The following MTR variants were observed in gnomAD, a reference collection of about 807,000 sequenced individuals.
The protein encoded by MTR is 5-methyltetrahydrofolate-homocysteine methyltransferase.
A neutral mutation model predicts 154.8 loss-of-function variants in MTR; 84 were observed. The observed-to-expected ratio is 0.54, with a 90% CI of 0.45 to 0.65. The LOEUF (loss-of-function observed/expected upper bound fraction) is 0.65, where lower values mean the gene tolerates loss of function less well. MTR is among the 30% of genes least tolerant of loss of function. The probability of loss-of-function intolerance (pLI) is 0.00; values close to 1 mark genes in which losing one functional copy is unlikely to be tolerated. For synonymous variants in MTR, 554 were observed against 553.9 expected, an observed-to-expected ratio of 1.00 and a Z score of 0.00; for missense variants, 1,275 against 1,570.2, an observed-to-expected ratio of 0.81 and a Z score of 3.18.
chr1:236,812,789 A>G lies in MTR; in HGVS notation c.554A>G (p.Asp185Gly). The change falls in exon 6 of 33, where the codon GAT (aspartate) becomes GGT (glycine). Residue 185 changes from aspartate (D) to glycine (G), a missense_variant. Physicochemically the swap from Asp to Gly is moderately conservative, Grantham distance 94 (BLOSUM62 -1). Transcript: ENST00000366577. ...AYQEQAKGLL[D>G]GGVDILLIET... ...CAAGAGCAGGCCAAAGGACTTCTGGATGGCGGGGTTGATATCTTACTCATT... is the reference window on the plus strand; with the variant it reads ...CAAGAGCAGGCCAAAGGACTTCTGGGTGGCGGGGTTGATATCTTACTCATT... 3 of 1,614,142 alleles carry G rather than the reference A, an allele frequency of 1.9e-6. No individual in the cohort carries two copies. Among genetic ancestry groups the G allele is most frequent in the Non-Finnish European group, 2.5e-6 (3 of 1,180,000 alleles).
chr1:236,881,562 C>T (rs1390261003), intron 25 of MTR, among the ~76,000 whole-genome samples: 2 of 151,928 alleles, frequency 1.3e-5, no homozygotes, highest in East Asian at 3.9e-4. Flanking sequence ...TCCTAGTGTC[C>T]ATCAAAAGAG....
chr1:236,852,423 G>GTTTTT, intron 16 of MTR, 98 bp from the exon 17 acceptor site: 19 of 875,584 alleles, frequency 2.2e-5, no homozygotes, highest in Admixed American at 1.1e-4. Context: ...GATGCTTTTT[G>GTTTTT]TTTTTTTTTC....
chr1:236,845,739 C>T (rs927263891), intron 15 of MTR, among the ~76,000 whole-genome samples: 7 of 152,136 alleles, frequency 4.6e-5, no homozygotes, highest in Non-Finnish European at 7.4e-5. Flanking sequence ...TGCTCACTGT[C>T]AAATTGTCAT....
chr1:236,863,591 A>G, intron 22 of MTR, 37 bp downstream of exon 22: 1 of 1,565,582 alleles, frequency 6.4e-7, no homozygotes, highest in South Asian at 1.1e-5. Flanking sequence ...CCCCTTTTCC[A>G]TTTAAAAATG....
chr1:236,875,347 C>A (rs1239354209), intron 24 of MTR, among the ~76,000 whole-genome samples: 3 of 152,070 alleles, frequency 2.0e-5, no homozygotes, highest in Non-Finnish European at 4.4e-5. Context: ...TTGGGGAGTT[C>A]CTGAAAGGGG....
At chr1:236,845,105 G>A (rs1422970870) in intron 15 of MTR, among the ~76,000 whole-genome samples, 1 of 152,204 alleles carries the variant, frequency 6.6e-6, no homozygotes, top group Non-Finnish European at 1.5e-5. Context: ...GTGGACCAGT[G>A]TCATATCTAG....
At chr1:236,839,352 G>A (rs1663097013) in intron 15 of MTR, among the ~76,000 whole-genome samples, 1 of 150,662 alleles carries the variant, frequency 6.6e-6, no homozygotes. Context: ...AGTCAACCCA[G>A]TAGGAAAATG....
Position 236,886,323 on chromosome 1 carries a change from G to A in MTR, c.2807G>A (p.Arg936Lys), listed in dbSNP as rs771634129. ...ERRYLPLSQARKSGFQMDWLS... is the reference protein window; with the variant it reads ...ERRYLPLSQAKKSGFQMDWLS... Reference sequence around the variant, plus strand: ...AGATACTTACCCTTAAGTCAAGCCAGAAAAAGTGGTTTCCAAATGGATTGG... The same window carrying A: ...AGATACTTACCCTTAAGTCAAGCCAAAAAAAGTGGTTTCCAAATGGATTGG... Residue 936 changes from arginine to lysine, a missense_variant, in exon 27 of 33, where the codon AGA becomes AAA. By Grantham distance (26) the Arg-to-Lys change is conservative (BLOSUM62 2). Transcript: ENST00000366577. The A allele has an allele frequency of 6.2e-7, 1 of 1,614,188 alleles. No individual in the cohort carries two copies. Among genetic ancestry groups the A allele is most frequent in the Admixed American group, 1.7e-5 (1 of 60,030 alleles).
intron 3 of MTR, among the ~76,000 whole-genome samples, chr1:236,807,088 T>G (rs533524567): frequency 3.9e-5 from 6 of 152,368 alleles, no homozygotes; most frequent in African/African-American, 1.4e-4. Flanking sequence ...TTCAATTTTT[T>G]GTATATATAC....
At chr1:236,892,883 G>A (rs1192033759) in intron 29 of MTR, among the ~76,000 whole-genome samples, 1 of 152,162 alleles carries the variant, frequency 6.6e-6, no homozygotes, top group African/African-American at 2.4e-5. Flanking sequence ...GGCAGTCTGT[G>A]ACATATTAGG....
At position 236,850,375 on chromosome 1, in the gene MTR, G is replaced by A. The variant is rs767845497; in HGVS notation, c.1547G>A (p.Cys516Tyr). 6.2e-7 allele frequency: 1 copy of A among 1,613,514 alleles called. No individual in the cohort carries two copies. The highest frequency in any genetic ancestry group is 1.7e-5 in the Admixed American group (1 of 59,950). Residue 516 changes from cysteine to tyrosine, a missense_variant, in exon 16 of 33, where the codon TGC becomes TAC. By Grantham distance (194) the Cys-to-Tyr change is radical. Transcript: ENST00000366577. ...GAAACAGACACAAAAATCAGAGTGTGCACCCGGGCCTACCATCTGCTTGTG... is the reference window on the plus strand; with the variant it reads ...GAAACAGACACAAAAATCAGAGTGTACACCCGGGCCTACCATCTGCTTGTG... ...ATETDTKIRV[C>Y]TRAYHLLVKK...
chr1:236,895,176 C>G, intron 30 of MTR, 182 bp from the exon 31 acceptor site: 2 of 714,736 alleles, frequency 2.8e-6, no homozygotes, highest in Non-Finnish European at 4.9e-6. Context: ...AGCTGCAGAG[C>G]AGCAGCTGAT....
At chr1:236,856,347 T>TA (rs1318813108) in intron 18 of MTR, among the ~76,000 whole-genome samples, 4 of 152,126 alleles carry the variant, frequency 2.6e-5, no homozygotes, top group African/African-American at 9.7e-5. Context: ...TCTTTTTTTT[T>TA]ACTATCTCGT....
intron 18 of MTR, among the ~76,000 whole-genome samples, chr1:236,856,533 A>G (rs905687239): frequency 3.8e-5 from 4 of 106,220 alleles, no homozygotes; most frequent in African/African-American, 1.1e-4. Context: ...TTCTTCTTCT[A>G]TTATTATTAT....
At position 236,873,717 on chromosome 1, in the gene MTR, G is replaced by C; in HGVS notation, c.2406-56G>C. 3 of 1,442,696 alleles carry C rather than the reference G, an allele frequency of 2.1e-6. No individual in the cohort carries two copies. In the Admixed American group the frequency reaches 5.0e-5, roughly 24 times the overall value. 89.4% of individuals were successfully genotyped at this position (1,442,696 alleles called of 1,614,324 possible). A position where few individuals can be genotyped will look rare whatever the true frequency, so the allele number is the denominator to read the frequency against. ...GGTTGAAATAAAAATGTTCATTTCA[G>C]TTTTGTCTCTAATGGGCTTTCATTA... On this transcript the variant is annotated intron_variant, in intron 22 of 32. Transcript: ENST00000366577.
chr1:236,835,780 A>C, intron 14 of MTR, 93 bp downstream of exon 14: 1 of 1,534,608 alleles, frequency 6.5e-7, no homozygotes. Context: ...CTGTGAACTC[A>C]AGAACTGGTT....
chr1:236,829,324 T>A, intron 12 of MTR, 56 bp downstream of exon 12: 1 of 1,398,168 alleles, frequency 7.2e-7, no homozygotes, highest in South Asian at 1.2e-5. Flanking sequence ...GGAGTGTGAG[T>A]ATTCTAAGTG....
rs1461679556 is a variant in MTR, at chr1:236,899,241, A to T, written c.*1597A>T. On this transcript the variant is annotated 3_prime_UTR_variant, in exon 33 of 33. Coordinates refer to ENST00000366577, the MANE Select transcript of MTR (RefSeq NM_000254.3). Reference sequence around the variant, plus strand: ...GGACTTAAAATTACCAAATGCTTCTAAATATGAAGGAGAGGTTGGGGACAC... The same window carrying T: ...GGACTTAAAATTACCAAATGCTTCTTAATATGAAGGAGAGGTTGGGGACAC... 6.6e-6 allele frequency: 1 copy of T among 152,208 alleles called. No homozygotes were observed. 9.4% of individuals were successfully genotyped at this position (152,208 alleles called of 1,614,324 possible).
At chr1:236,875,310 C>G (rs927559816) in intron 24 of MTR, among the ~76,000 whole-genome samples, 1 of 152,178 alleles carries the variant, frequency 6.6e-6, no homozygotes, top group African/African-American at 2.4e-5. Context: ...GAAAGCCCAT[C>G]TAGCAAGAAT....
Sources: allele counts gnomAD v4.1 joint callset (sites outside exome capture counted in the v4.1 genomes callset), GRCh38; gene constraint gnomAD v4.1.1; transcripts MANE v1.5; gene names NCBI Gene and HGNC (gene_info 2026-07-23, HGNC 2026-07-21).